Variants in ADAMTSL1 observed in about 807,000 individuals in gnomAD.
ADAMTSL1 encodes ADAMTS-like protein 1.
In ADAMTSL1, 126 loss-of-function variants were observed where a neutral mutation model predicts 201.8. That is an observed-to-expected ratio of 0.62 (90% CI 0.54 to 0.72). ADAMTSL1 has a LOEUF of 0.72. Among genes scored for constraint, ADAMTSL1 ranks in the 30% least tolerant of loss-of-function variants. ADAMTSL1 has a pLI of 0.00. For synonymous variants in ADAMTSL1, 1,121 were observed against 903.4 expected (o/e 1.24, Z -4.32); for missense variants, 2,679 against 2,277.8 (o/e 1.18, Z -3.59).
chr9:18,418,265 T>C (rs978295501), intron 2 of ADAMTSL1, among the ~76,000 whole-genome samples: 1 of 152,254 alleles, frequency 6.6e-6, no homozygotes, highest in Admixed American at 6.5e-5. Context: ...AACATCAAAC[T>C]TAGTGCGAAA....
At chr9:18,475,978 T>C (rs529507369) in intron 1 of ADAMTSL1, among the ~76,000 whole-genome samples, 2 of 152,130 alleles carry the variant, frequency 1.3e-5, no homozygotes, top group African/African-American at 2.4e-5. Flanking sequence ...ATTTGACTTA[T>C]GTGGAATGAA....
At chr9:18,418,683 G>C (rs554555768) in intron 2 of ADAMTSL1, among the ~76,000 whole-genome samples, 1 of 152,132 alleles carries the variant, frequency 6.6e-6, no homozygotes, top group Admixed American at 6.6e-5. Context: ...GCTGATGAAA[G>C]AAATCAAAGA....
chr9:18,370,209 G>C (rs1277693834), intron 2 of ADAMTSL1, among the ~76,000 whole-genome samples: 7 of 151,992 alleles, frequency 4.6e-5, no homozygotes, highest in Admixed American at 4.6e-4. Flanking sequence ...GAACCCAGGA[G>C]GCGGAGGTTG....
At chr9:18,837,663 G>T (rs1385081761) in intron 23 of ADAMTSL1, among the ~76,000 whole-genome samples, 2 of 152,156 alleles carry the variant, frequency 1.3e-5, no homozygotes, top group Non-Finnish European at 2.9e-5. Context: ...CAAAAACCAC[G>T]TGTTTTTATA....
In ADAMTSL1 at chr9:18,051,028, G is replaced by A. The variant is rs1368619471; in HGVS notation, c.88-112834G>A. Among the ~76,000 whole-genome samples the A allele has an allele frequency of 8.5e-5, 13 of 152,206 alleles. No individual in the cohort carries two copies. The South Asian group carries it at 1.2e-3, about 15-fold the overall frequency. ...AAATATCCAGACTATATGGCCGGGT[G>A]CAGTGGCTCACGCCTGTAATCCCAG... On this transcript the variant is annotated intron_variant, in intron 1 of 29. Coordinates refer to the ADAMTSL1 transcript ENST00000680146.
intron 2 of ADAMTSL1, among the ~76,000 whole-genome samples, chr9:18,267,861 A>G (rs999723095): frequency 1.3e-5 from 2 of 151,866 alleles, no homozygotes; most frequent in Admixed American, 6.6e-5. Context: ...TTTGAAACAT[A>G]CATTCTTCTT....
At chr9:18,527,780 A>T (rs761364829) in intron 2 of ADAMTSL1, among the ~76,000 whole-genome samples, 11 of 152,184 alleles carry the variant, frequency 7.2e-5, no homozygotes, top group Non-Finnish European at 1.2e-4. Context: ...TTTTTAAGAG[A>T]AGGAATTAAA....
chr9:18,369,785 G>T (rs533284044), intron 2 of ADAMTSL1, among the ~76,000 whole-genome samples: 1 of 152,232 alleles, frequency 6.6e-6, no homozygotes, highest in South Asian at 2.1e-4. Flanking sequence ...AAGACAATGC[G>T]GTATCTATAC....
chr9:18,357,545 G>A (rs1396255966), intron 2 of ADAMTSL1, among the ~76,000 whole-genome samples: 1 of 152,020 alleles, frequency 6.6e-6, no homozygotes, highest in African/African-American at 2.4e-5. Flanking sequence ...GCAGAGATTA[G>A]CTTAAGCATT....
rs188396465 is a variant in ADAMTSL1 at position 18,793,283 on chromosome 9, C to G, written c.3678-2114C>G. ...AGGTAAGAATAAGCAATGTAGTAGG[C>G]CCAAGGCCAAAAGCTGAGCTGAGGA... is the stretch of plus-strand genomic sequence containing the variant. On this transcript the variant is annotated intron_variant, in intron 19 of 28. Coordinates refer to ENST00000380548, the MANE Select transcript of ADAMTSL1 (RefSeq NM_001040272.6). 2.6e-5 allele frequency: 4 copies of G among 152,326 alleles called. No individual in the cohort carries two copies. The East Asian group carries it at 7.7e-4, about 29-fold the overall frequency. 9.4% of individuals were successfully genotyped at this position (152,326 alleles called of 1,614,324 possible). A position where few individuals can be genotyped will look rare whatever the true frequency, so the allele number is the denominator to read the frequency against.
intron 13 of ADAMTSL1, among the ~76,000 whole-genome samples, chr9:18,689,725 A>G (rs1470315982): frequency 6.6e-6 from 1 of 152,154 alleles, no homozygotes; most frequent in African/African-American, 2.4e-5. Flanking sequence ...GTTGCTTTGG[A>G]CACAGTGTGG....
intron 1 of ADAMTSL1, among the ~76,000 whole-genome samples, chr9:17,966,649 A>T (rs1456503485): frequency 6.6e-6 from 1 of 152,116 alleles, no homozygotes; most frequent in Non-Finnish European, 1.5e-5. Context: ...TTTCCCCTTC[A>T]TCTCTTTATT....
intron 2 of ADAMTSL1, among the ~76,000 whole-genome samples, chr9:18,338,630 G>A (rs575034802): frequency 1.2e-4 from 19 of 152,026 alleles, no homozygotes; most frequent in African/African-American, 4.6e-4. Context: ...ATTTTTTACA[G>A]CTCTTCTTTT....
intron 1 of ADAMTSL1, among the ~76,000 whole-genome samples, chr9:17,964,699 T>C (rs774280778): frequency 4.6e-5 from 7 of 152,176 alleles, no homozygotes; most frequent in Non-Finnish European, 1.0e-4. Context: ...ATGTTACCAT[T>C]AAGGTAAACT....
chr9:17,996,513 C>T (rs1036785505), intron 1 of ADAMTSL1, among the ~76,000 whole-genome samples: 3 of 152,056 alleles, frequency 2.0e-5, no homozygotes, highest in African/African-American at 7.2e-5. Context: ...TTGGGCAAGG[C>T]AGAATTAATT....
chr9:18,681,984 C>T (rs1325436920), intron 12 of ADAMTSL1, 25 bp downstream of exon 12: 3 of 1,612,486 alleles, frequency 1.9e-6, no homozygotes, highest in Admixed American at 3.3e-5. Context: ...GCTCTATTAC[C>T]AGCCTGTTAA....
intron 16 of ADAMTSL1, among the ~76,000 whole-genome samples, chr9:18,759,913 T>C (rs1278335005): frequency 6.6e-6 from 1 of 152,152 alleles, no homozygotes; most frequent in African/African-American, 2.4e-5. Flanking sequence ...GTAAGTGAGA[T>C]TCCAGTTCTC....
intron 1 of ADAMTSL1, among the ~76,000 whole-genome samples, chr9:17,940,354 C>T (rs920659903): frequency 1.3e-5 from 2 of 151,808 alleles, no homozygotes; most frequent in African/African-American, 2.4e-5. Context: ...TAGGCTGTGG[C>T]AGCAAGGAAC....
At chr9:18,248,928 G>C (rs2132481288) in intron 2 of ADAMTSL1, among the ~76,000 whole-genome samples, 1 of 152,334 alleles carries the variant, frequency 6.6e-6, no homozygotes, top group South Asian at 2.1e-4. Flanking sequence ...ATGTGACATA[G>C]TAAGGAAAAG....
Sources: allele counts gnomAD v4.1 joint callset (sites outside exome capture counted in the v4.1 genomes callset), GRCh38; gene constraint gnomAD v4.1.1; transcripts MANE v1.5; gene names NCBI Gene and HGNC (gene_info 2026-07-23, HGNC 2026-07-21).